IMMP2L: variants seen among roughly 807,000 people sequenced by gnomAD.
IMMP2L encodes mitochondrial inner membrane protease subunit 2.
IMMP2L carries 18 observed loss-of-function variants against 19.3 expected under a neutral mutation model. That is an observed-to-expected ratio of 0.93 (90% CI 0.64 to 1.38). The LOEUF is 1.38. IMMP2L is among the 40% of genes most tolerant of loss of function. IMMP2L has a pLI of 0.00. For missense variants in IMMP2L, 233 were observed against 218.2 expected (o/e 1.07, Z -0.43); for synonymous variants, 76 against 73.0 (o/e 1.04, Z -0.21).
At position 111,492,013 on chromosome 7, in the gene IMMP2L, T is replaced by A. The variant is rs187502409; in HGVS notation, c.136-4672A>T. On this transcript the variant is annotated intron_variant, in intron 2 of 5. Transcript: ENST00000405709. ...TTTTGAAGTTTGTGACCACAACTCA[T>A]AAGATCAAAAATCCCAAGTTCACCA... is the stretch of plus-strand genomic sequence containing the variant. 1.5e-3 allele frequency among the ~76,000 whole-genome samples: 221 copies of A among 152,018 alleles called. 1 individual carries two copies. The highest frequency in any genetic ancestry group is 2.6e-3 in the Non-Finnish European group (176 of 67,962).
chr7:111,372,306 A>G (rs1451435194), intron 3 of IMMP2L, among the ~76,000 whole-genome samples: 1 of 152,090 alleles, frequency 6.6e-6, no homozygotes, highest in African/African-American at 2.4e-5. Context: ...AAAAAATACA[A>G]AACACAACAA....
chr7:111,264,482 G>A (rs1817633396), intron 3 of IMMP2L, among the ~76,000 whole-genome samples: 1 of 151,984 alleles, frequency 6.6e-6, no homozygotes, highest in Non-Finnish European at 1.5e-5. Context: ...AACTTGCCCT[G>A]CAGAAACTAA....
intron 3 of IMMP2L, among the ~76,000 whole-genome samples, chr7:111,413,265 G>A (rs1315008638): frequency 6.6e-6 from 1 of 152,044 alleles, no homozygotes; most frequent in Non-Finnish European, 1.5e-5. Context: ...TGGTTTCACT[G>A]GTCAATTCTA....
chr7:110,981,343 G>C (rs192839896), intron 3 of IMMP2L, among the ~76,000 whole-genome samples: 106 of 152,084 alleles, frequency 7.0e-4, no homozygotes, highest in Middle Eastern at 3.4e-3. Flanking sequence ...AACAATTCTT[G>C]CCTACAGTTA....
intron 3 of IMMP2L, among the ~76,000 whole-genome samples, chr7:111,470,617 C>G (rs1479630279): frequency 6.7e-6 from 1 of 148,596 alleles, no homozygotes; most frequent in Non-Finnish European, 1.5e-5. Flanking sequence ...GTAAACTATC[C>G]CAAGGACAAA....
At chr7:111,003,099 A>T (rs1203955250) in intron 3 of IMMP2L, among the ~76,000 whole-genome samples, 1 of 151,272 alleles carries the variant, frequency 6.6e-6, no homozygotes, top group African/African-American at 2.5e-5. Flanking sequence ...CATTATTGTT[A>T]TTATTGTTAC....
intron 3 of IMMP2L, among the ~76,000 whole-genome samples, chr7:111,357,787 T>TTATA (rs140816131): frequency 6.6e-6 from 1 of 151,474 alleles, no homozygotes; most frequent in African/African-American, 2.4e-5. Context: ...CATGAAGAAA[T>TTATA]TATATATATA....
chr7:110,668,598 T>C (rs1021386305), intron 5 of IMMP2L, among the ~76,000 whole-genome samples: 2 of 152,220 alleles, frequency 1.3e-5, no homozygotes, highest in Non-Finnish European at 2.9e-5. Flanking sequence ...TTTTTTTAAA[T>C]CAACACTCAT....
rs1054548658 is a variant in IMMP2L at position 111,403,484 on chromosome 7, C to T, written c.239+83754G>A. Among the ~76,000 whole-genome samples the T allele has an allele frequency of 2.6e-5, 4 of 151,934 alleles. No homozygotes were observed. In the East Asian group the frequency reaches 7.7e-4, roughly 29 times the overall value. ...ATATATATTTTTAAACAGGGTCTCA[C>T]TTTGTCACCCAGGTTGGTGCAATCA... On this transcript the variant is annotated intron_variant, in intron 3 of 5. Coordinates refer to ENST00000405709, the MANE Select transcript of IMMP2L (RefSeq NM_032549.4).
At chr7:111,393,670 T>C (rs532910211) in intron 3 of IMMP2L, among the ~76,000 whole-genome samples, 1 of 152,286 alleles carries the variant, frequency 6.6e-6, no homozygotes, top group Admixed American at 6.5e-5. Context: ...CAATGTTCTT[T>C]TTCTGTTTTA....
intron 3 of IMMP2L, among the ~76,000 whole-genome samples, chr7:111,325,738 A>T (rs565267081): frequency 2.0e-5 from 3 of 151,744 alleles, no homozygotes; most frequent in Non-Finnish European, 3.0e-5. Context: ...AAAAATATTG[A>T]AACTTTACAT....
intron 3 of IMMP2L, among the ~76,000 whole-genome samples, chr7:111,479,627 T>C (rs555500217): frequency 6.6e-6 from 1 of 152,190 alleles, no homozygotes; most frequent in Non-Finnish European, 1.5e-5. Flanking sequence ...TTCTCCTCGA[T>C]AGCTAAATCT....
At chr7:110,846,555 C>T (rs537250767) in intron 5 of IMMP2L, among the ~76,000 whole-genome samples, 3 of 151,504 alleles carry the variant, frequency 2.0e-5, no homozygotes, top group South Asian at 2.1e-4. Context: ...TAGTAGAGAC[C>T]GGGTTTTACC....
rs1479399435 is a variant in IMMP2L at position 110,760,958 on chromosome 7, C to T, written c.409-97237G>A. ...TGGGTTGGAGAATAGAGAAAGCAAA[C>T]ATTGCAATGCAGCGATATCAGGTGA... On this transcript the variant is annotated intron_variant, in intron 5 of 5. Coordinates refer to ENST00000405709, the MANE Select transcript of IMMP2L (RefSeq NM_032549.4). This position sits in a 1 kb window ranked among gnomAD's most constrained non-coding sequence, Gnocchi z 4.2. Among the ~76,000 whole-genome samples, 2 of 152,052 alleles carry T rather than the reference C, an allele frequency of 1.3e-5. No homozygotes were observed. Among genetic ancestry groups the T allele is most frequent in the Non-Finnish European group, 1.5e-5 (1 of 68,010 alleles).
At chr7:110,664,814 CT>C (rs1791331432) in intron 5 of IMMP2L, 1 of 152,174 alleles carries the variant, frequency 6.6e-6, no homozygotes, top group South Asian at 2.1e-4. Context: ...TATATGTCCA[CT>C]TTATTTACCA....
intron 3 of IMMP2L, among the ~76,000 whole-genome samples, chr7:111,358,790 A>G (rs1176005221): frequency 6.6e-6 from 1 of 152,172 alleles, no homozygotes; most frequent in Non-Finnish European, 1.5e-5. Context: ...ACAACTGGAA[A>G]TGGGAGAAAG....
chr7:111,048,355 C>T (rs1170724255), intron 3 of IMMP2L, among the ~76,000 whole-genome samples: 1 of 151,636 alleles, frequency 6.6e-6, no homozygotes, highest in Non-Finnish European at 1.5e-5. Context: ...CCAGATCTTG[C>T]TCTTGTTAAC....
intron 3 of IMMP2L, among the ~76,000 whole-genome samples, chr7:111,167,203 C>G (rs572230153): frequency 1.3e-5 from 2 of 152,092 alleles, no homozygotes; most frequent in Non-Finnish European, 2.9e-5. Flanking sequence ...CACCTGCTCT[C>G]ATCAAAGCCT....
intron 1 of IMMP2L, among the ~76,000 whole-genome samples, chr7:111,557,758 T>C (rs1791538696): frequency 2.0e-5 from 3 of 152,192 alleles, no homozygotes; most frequent in African/African-American, 7.2e-5. Context: ...TTCATCTTTA[T>C]ATCCTCCTAA....
Sources: gnomAD v4.1 joint callset for allele counts (sites outside exome capture counted in the v4.1 genomes callset) on GRCh38, gnomAD v4.1.1 for gene constraint, Gnocchi (gnomAD v3.1) non-coding constraint, MANE v1.5 for transcripts, NCBI Gene and HGNC (gene_info 2026-07-23, HGNC 2026-07-21) for gene names.